Variants in WIPF1 observed in about 807,000 individuals in gnomAD.
The protein encoded by WIPF1 is WAS/WASL interacting protein family member 1.
WIPF1 carries 13 observed loss-of-function variants against 35.4 expected under a neutral mutation model. The observed-to-expected ratio is 0.37, with a 90% confidence interval of 0.24 to 0.58. The LOEUF is 0.58. Among genes scored for constraint, WIPF1 ranks in the 20% least tolerant of loss-of-function variants. WIPF1 has a pLI of 0.74. For missense variants in WIPF1, 591 were observed against 667.0 expected, an observed-to-expected ratio of 0.89 and a Z score of 1.25; for synonymous variants, 267 against 266.3, an observed-to-expected ratio of 1.00 and a Z score of -0.02.
chr2:174,610,770 C>T (rs886446664), intron 1 of WIPF1, among the ~76,000 whole-genome samples: 1 of 152,114 alleles, frequency 6.6e-6, no homozygotes, highest in Non-Finnish European at 1.5e-5. Flanking sequence ...TAACCTCCAC[C>T]TTGGTCAACA....
At chr2:174,591,640 T>C (rs551514161) in intron 1 of WIPF1, among the ~76,000 whole-genome samples, 3 of 150,926 alleles carry the variant, frequency 2.0e-5, no homozygotes, top group Non-Finnish European at 4.4e-5. Context: ...TAAATGACTT[T>C]AAAAATTTAA....
chr2:174,596,939 AT>A (rs1437645483), intron 1 of WIPF1, among the ~76,000 whole-genome samples: 3 of 152,218 alleles, frequency 2.0e-5, no homozygotes, highest in African/African-American at 7.2e-5. Flanking sequence ...ATGGCTTGAA[AT>A]TTTAAAAATC....
intron 7 of WIPF1, among the ~76,000 whole-genome samples, chr2:174,565,538 C>T (rs1684631088): frequency 6.6e-6 from 1 of 152,212 alleles, no homozygotes. Flanking sequence ...CCTCCTCTGA[C>T]CTGGGACTGC....
At position 174,577,735 on chromosome 2, in the gene WIPF1, G is replaced by A. The variant is rs1332811283; in HGVS notation, c.182-2355C>T. 2.0e-5 allele frequency among the ~76,000 whole-genome samples: 3 copies of A among 152,116 alleles called. No homozygotes were observed. The East Asian group carries it at 5.8e-4, about 29-fold the overall frequency. ...GAGCTCAGGAGTTCAGGACCAGTCT[G>A]AGCAATATGGTGAGATTCCCATCTC... On this transcript the variant is annotated intron_variant, in intron 3 of 7. Transcript: ENST00000679041.
chr2:174,623,666 A>AGT (rs1686742986), intron 1 of WIPF1, among the ~76,000 whole-genome samples: 4 of 152,200 alleles, frequency 2.6e-5, no homozygotes, highest in African/African-American at 9.7e-5. Context: ...GAATGTAGCC[A>AGT]ACAAACTGCA....
chr2:174,570,209 G>T (rs978511111), intron 5 of WIPF1, among the ~76,000 whole-genome samples: 9 of 152,098 alleles, frequency 5.9e-5, no homozygotes, highest in Non-Finnish European at 5.9e-5. Context: ...TCAGGCTGTA[G>T]AATAATCATA....
chr2:174,581,101 G>T, intron 3 of WIPF1: 1 of 485,456 alleles, frequency 2.1e-6, no homozygotes, highest in Non-Finnish European at 3.5e-6. Context: ...CTTGGACAAA[G>T]AATTATTATA....
intron 1 of WIPF1, among the ~76,000 whole-genome samples, chr2:174,648,239 A>G (rs1687459196): frequency 6.6e-6 from 1 of 152,184 alleles, no homozygotes; most frequent in Admixed American, 6.5e-5. Flanking sequence ...TTTGCCTTCA[A>G]TCAACTTCCA....
At chr2:174,589,408 C>T (rs1335008385) in intron 1 of WIPF1, among the ~76,000 whole-genome samples, 8 of 152,208 alleles carry the variant, frequency 5.3e-5, no homozygotes, top group Admixed American at 5.2e-4. Flanking sequence ...CTGGAACTTA[C>T]TTTCCTGGCA....
chr2:174,659,135 G>A (rs749538769), intron 1 of WIPF1, among the ~76,000 whole-genome samples: 1 of 152,124 alleles, frequency 6.6e-6, no homozygotes, highest in Non-Finnish European at 1.5e-5. Context: ...AAGTCAACAG[G>A]TAGTTTCTCT....
chr2:174,568,614 C>T (rs1327139182), intron 5 of WIPF1: 1 of 152,630 alleles, frequency 6.6e-6, no homozygotes, highest in Non-Finnish European at 1.5e-5. Context: ...TACCAGTCAT[C>T]CTGAGAGCAG....
At chr2:174,610,956 G>A (rs1278908544) in intron 1 of WIPF1, among the ~76,000 whole-genome samples, 2 of 152,172 alleles carry the variant, frequency 1.3e-5, no homozygotes, top group African/African-American at 2.4e-5. Flanking sequence ...AACTGTAGAT[G>A]ACTTTCTAGA....
intron 1 of WIPF1, among the ~76,000 whole-genome samples, chr2:174,588,981 G>C (rs954720387): frequency 6.6e-6 from 1 of 152,184 alleles, no homozygotes; most frequent in South Asian, 2.1e-4. Flanking sequence ...ACACAGATGA[G>C]GGAGGCTGCC....
intron 7 of WIPF1, among the ~76,000 whole-genome samples, chr2:174,565,338 C>G (rs1276306071): frequency 6.6e-6 from 1 of 152,166 alleles, no homozygotes; most frequent in African/African-American, 2.4e-5. Flanking sequence ...CAGTAGTATT[C>G]TGTTTTCTTC....
chr2:174,594,632 A>G (rs990888711), intron 1 of WIPF1, among the ~76,000 whole-genome samples: 3 of 73,090 alleles, frequency 4.1e-5, no homozygotes, highest in Non-Finnish European at 1.1e-4. Context: ...CTAAATCGCT[A>G]TCACCACATT....
chr2:174,624,160 A>G (rs1010433093), intron 1 of WIPF1, among the ~76,000 whole-genome samples: 1 of 152,242 alleles, frequency 6.6e-6, no homozygotes, highest in African/African-American at 2.4e-5. Flanking sequence ...CTAATAATGA[A>G]CCTTTCATCT....
intron 1 of WIPF1, among the ~76,000 whole-genome samples, chr2:174,605,738 T>C (rs924341994): frequency 6.6e-6 from 1 of 152,086 alleles, no homozygotes; most frequent in Non-Finnish European, 1.5e-5. Context: ...TGAAACAAAA[T>C]TGATCATGAA....
chr2:174,670,460 C>T (rs965718536), intron 1 of WIPF1, among the ~76,000 whole-genome samples: 5 of 152,240 alleles, frequency 3.3e-5, no homozygotes, highest in Admixed American at 6.5e-5. Context: ...GTCGAGGGCA[C>T]TTGTCCTAAA....
intron 1 of WIPF1, among the ~76,000 whole-genome samples, chr2:174,643,185 A>G (rs1232559412): frequency 6.7e-6 from 1 of 149,252 alleles, no homozygotes; most frequent in Non-Finnish European, 1.5e-5. Flanking sequence ...GTGGTTGAGT[A>G]TTTAATCAAT....
Sources: allele counts gnomAD v4.1 joint callset (sites outside exome capture counted in the v4.1 genomes callset), GRCh38; gene constraint gnomAD v4.1.1; transcripts MANE v1.5; gene names NCBI Gene and HGNC (gene_info 2026-07-23, HGNC 2026-07-21).